AFF2: variants seen among roughly 807,000 people sequenced by gnomAD.
AFF2 encodes ALF transcription elongation factor 2, also known as AF4/FMR2 family member 2.
Under a neutral mutation model 76.9 loss-of-function variants are expected in AFF2, and 14 were observed. That is an observed-to-expected ratio of 0.18 (90% CI 0.12 to 0.28). AFF2 has a LOEUF of 0.28. Among genes scored for constraint, AFF2 ranks in the 10% least tolerant of loss-of-function variants. The pLI is 1.00. For synonymous variants in AFF2, 398 were observed against 366.7 expected (o/e 1.09, Z -0.98); for missense variants, 868 against 1,001.1 (o/e 0.87, Z 1.79).
At chrX:148,675,022 T>C (rs1306846824) in intron 3 of AFF2, among the ~76,000 whole-genome samples, 1 of 112,016 alleles carries the variant, frequency 8.9e-6, no homozygotes, top group African/African-American at 3.2e-5. Context: ...TTTTAGTATG[T>C]GCATGCACGT....
intron 3 of AFF2, among the ~76,000 whole-genome samples, chrX:148,743,084 TTCTC>T (rs1432136953): frequency 8.9e-6 from 1 of 112,248 alleles, no homozygotes; most frequent in African/African-American, 3.2e-5. Context: ...CAGGCTCACT[TTCTC>T]TCTCTAAAAC....
chrX:148,710,018 G>T (rs1386508919), intron 3 of AFF2, among the ~76,000 whole-genome samples: 1 of 111,685 alleles, frequency 9.0e-6, no homozygotes, highest in Admixed American at 9.5e-5. Context: ...TAATGATGAT[G>T]ATCACAGAAC....
At chrX:148,718,245 C>A (rs2055049841) in intron 3 of AFF2, among the ~76,000 whole-genome samples, 1 of 111,647 alleles carries the variant, frequency 9.0e-6, no homozygotes, top group Admixed American at 9.5e-5. Flanking sequence ...CCTCTGTTCT[C>A]AGATGCTTTT....
intron 3 of AFF2, among the ~76,000 whole-genome samples, chrX:148,744,083 G>T (rs189851061): frequency 5.4e-5 from 6 of 110,783 alleles, no homozygotes; most frequent in Non-Finnish European, 5.7e-5. Context: ...CGAAAGAAAG[G>T]TGTAATTAAT....
At chrX:148,599,058 A>C (rs2053602391) in intron 1 of AFF2, among the ~76,000 whole-genome samples, 1 of 112,243 alleles carries the variant, frequency 8.9e-6, no homozygotes, top group Non-Finnish European at 1.9e-5. Flanking sequence ...AAATTTGCCC[A>C]AGTTTGTCTC....
chrX:148,626,279 AG>A (rs1468818603), intron 1 of AFF2, among the ~76,000 whole-genome samples: 2 of 109,839 alleles, frequency 1.8e-5, no homozygotes, highest in Non-Finnish European at 3.8e-5. Flanking sequence ...TCTGCTTGCC[AG>A]CTTGCACCCA....
intron 4 of AFF2, among the ~76,000 whole-genome samples, chrX:148,819,792 C>A (rs1746460855): frequency 9.0e-6 from 1 of 111,598 alleles, no homozygotes; most frequent in South Asian, 3.7e-4. Flanking sequence ...TTATTTAAGT[C>A]TTCATTTTGG....
chrX:148,546,982 T>C (rs1248296076), intron 1 of AFF2: 1 of 112,451 alleles, frequency 8.9e-6, no homozygotes, highest in African/African-American at 3.2e-5. Context: ...GAAATGAACA[T>C]GAGGCCAAGA....
At chrX:148,866,002 CA>C (rs1275090065) in intron 7 of AFF2, among the ~76,000 whole-genome samples, 12 of 111,615 alleles carry the variant, frequency 1.1e-4, no homozygotes, top group Non-Finnish European at 5.6e-5. Context: ...GTTCCACAGA[CA>C]AAAAACGAGG....
chrX:148,639,543 C>T (rs1458065010), intron 1 of AFF2, among the ~76,000 whole-genome samples: 1 of 111,682 alleles, frequency 9.0e-6, no homozygotes, highest in Non-Finnish European at 1.9e-5. Context: ...GCTGGTGACC[C>T]CAGGTAAGCA....
intron 3 of AFF2, among the ~76,000 whole-genome samples, chrX:148,792,950 T>C (rs2069917663): frequency 8.9e-6 from 1 of 112,212 alleles, no homozygotes; most frequent in African/African-American, 3.2e-5. Flanking sequence ...GTGGGGCATT[T>C]GCAGCTGCTC....
At chrX:148,620,526 A>AAT (rs781881128) in intron 1 of AFF2, among the ~76,000 whole-genome samples, 117 of 107,998 alleles carry the variant, frequency 1.1e-3, no homozygotes, top group Non-Finnish European at 1.3e-3. Context: ...TCAATTAAAA[A>AAT]ATATATATAT....
intron 3 of AFF2, among the ~76,000 whole-genome samples, chrX:148,726,413 G>A (rs1256434141): frequency 4.5e-5 from 5 of 111,442 alleles, no homozygotes; most frequent in Admixed American, 3.8e-4. Flanking sequence ...ATTTCTTATC[G>A]GTATAGGGAA....
At chrX:148,540,110 C>G (rs1326017474) in intron 1 of AFF2, among the ~76,000 whole-genome samples, 1 of 111,657 alleles carries the variant, frequency 9.0e-6, no homozygotes, top group Admixed American at 9.5e-5. Flanking sequence ...TTCCATTAAT[C>G]TAGGGTTACT....
intron 9 of AFF2, among the ~76,000 whole-genome samples, chrX:148,938,541 G>C (rs951482552): frequency 8.9e-6 from 1 of 112,046 alleles, no homozygotes; most frequent in Non-Finnish European, 1.9e-5. Context: ...TCGTATTAAA[G>C]GAAAGTAAAA....
chrX:148,906,944 A>G (rs2071413773), intron 9 of AFF2, among the ~76,000 whole-genome samples: 1 of 111,616 alleles, frequency 9.0e-6, no homozygotes, highest in Non-Finnish European at 1.9e-5. Context: ...CATCCTAATC[A>G]GGCTGAACAC....
chrX:148,620,610 A>T (rs2053857730), intron 1 of AFF2, among the ~76,000 whole-genome samples: 1 of 110,380 alleles, frequency 9.1e-6, no homozygotes, highest in Non-Finnish European at 1.9e-5. Flanking sequence ...TTCTCATCAG[A>T]AGACCTGGAT....
intron 1 of AFF2, among the ~76,000 whole-genome samples, chrX:148,578,014 C>T (rs782212556): frequency 8.9e-6 from 1 of 112,603 alleles, no homozygotes; most frequent in Non-Finnish European, 1.9e-5. Context: ...ACTGATGCTT[C>T]AGCAAATCCC....
At chrX:148,966,273 A>G (rs1342848324) in intron 13 of AFF2, among the ~76,000 whole-genome samples, 1 of 111,521 alleles carries the variant, frequency 9.0e-6, no homozygotes, top group Non-Finnish European at 1.9e-5. Context: ...ACAATTTCCT[A>G]GTATTTTGCT....
Sources: allele counts gnomAD v4.1 joint callset (sites outside exome capture counted in the v4.1 genomes callset), GRCh38; gene constraint gnomAD v4.1.1; transcripts MANE v1.5; gene names NCBI Gene and HGNC (gene_info 2026-07-23, HGNC 2026-07-21).